Variants in ARHGAP6 observed in about 807,000 individuals in gnomAD.
The protein encoded by ARHGAP6 is rho GTPase-activating protein 6.
ARHGAP6 carries 16 observed loss-of-function variants against 55.7 expected under a neutral mutation model. That is an observed-to-expected ratio of 0.29 (90% CI 0.19 to 0.44). ARHGAP6 has a LOEUF of 0.44. ARHGAP6 is among the 20% of genes least tolerant of loss of function. The pLI is 1.00. For synonymous variants in ARHGAP6, 382 were observed against 360.9 expected, an observed-to-expected ratio of 1.06 and a Z score of -0.66; for missense variants, 698 against 808.9, an observed-to-expected ratio of 0.86 and a Z score of 1.66.
At chrX:11,233,395 C>G (rs1451551476) in intron 2 of ARHGAP6, among the ~76,000 whole-genome samples, 1 of 110,688 alleles carries the variant, frequency 9.0e-6, no homozygotes, top group Non-Finnish European at 1.9e-5. Context: ...GAAGTGTGCC[C>G]TATTCAACAA....
chrX:11,456,620 C>T (rs2050196231), intron 1 of ARHGAP6, among the ~76,000 whole-genome samples: 1 of 111,287 alleles, frequency 9.0e-6, no homozygotes, highest in Admixed American at 9.6e-5. Context: ...ACTGATGCCT[C>T]CTTGGGCCCA....
chrX:11,513,799 C>T lies in ARHGAP6; in HGVS notation c.588+150442G>A, dbSNP rs192841608. Reference sequence around the variant, plus strand: ...ACTTCTGGTCCAAGGCAGGTAAGAGCAAGGACGACTTCTCTATGAACACAC... The same window carrying T: ...ACTTCTGGTCCAAGGCAGGTAAGAGTAAGGACGACTTCTCTATGAACACAC... On this transcript the variant is annotated intron_variant, in intron 1 of 12. Coordinates refer to ENST00000337414, the MANE Select transcript of ARHGAP6 (RefSeq NM_013427.3). 3.6e-5 allele frequency among the ~76,000 whole-genome samples: 4 copies of T among 111,034 alleles called. No individual in the cohort carries two copies. The East Asian group carries it at 1.1e-3, about 32-fold the overall frequency.
intron 1 of ARHGAP6, among the ~76,000 whole-genome samples, chrX:11,396,275 A>G (rs1223212825): frequency 9.1e-6 from 1 of 110,291 alleles, no homozygotes; most frequent in African/African-American, 3.3e-5. Flanking sequence ...ATTCTGGCTC[A>G]GGGCATGATA....
intron 2 of ARHGAP6, among the ~76,000 whole-genome samples, chrX:11,221,949 A>G (rs781031151): frequency 9.0e-6 from 1 of 111,322 alleles, no homozygotes; most frequent in Non-Finnish European, 1.9e-5. Flanking sequence ...ATATGTACTC[A>G]GAATTTTTAA....
intron 1 of ARHGAP6, among the ~76,000 whole-genome samples, chrX:11,597,919 A>AT (rs2051921053): frequency 8.9e-6 from 1 of 112,178 alleles, no homozygotes; most frequent in African/African-American, 3.2e-5. Flanking sequence ...CCATCAAAAC[A>AT]TTTTTGCAGG....
At chrX:11,298,701 A>G (rs752151612) in intron 1 of ARHGAP6, 11 of 1,210,679 alleles carry the variant, frequency 9.1e-6, no homozygotes, top group Non-Finnish European at 1.2e-5. Context: ...CCAGCAACCA[A>G]TGATGCCCGT....
chrX:11,138,447 A>AT lies in ARHGAP6; in HGVS notation c.*415dup, dbSNP rs752942478. ...CTCATTGCTTAATATAAGTGAAGTG[A>AT]TTTTTTTTTTAAAAGTTCCTTTTGT... On this transcript the variant is annotated 3_prime_UTR_variant, in exon 13 of 13. Coordinates refer to ENST00000337414, the MANE Select transcript of ARHGAP6 (RefSeq NM_013427.3). The AT allele has an allele frequency of 0.02, 2,617 of 133,574 alleles. 131 individuals carry two copies. Among genetic ancestry groups the AT allele is most frequent in the Admixed American group, 0.15 (1,699 of 11,077 alleles). The allele number at this position is 133,574 out of a possible 1,213,427, so 11.0% of individuals were successfully genotyped here.
chrX:11,183,784 A>G (rs1463375364), intron 5 of ARHGAP6, among the ~76,000 whole-genome samples: 1 of 111,974 alleles, frequency 8.9e-6, no homozygotes, highest in African/African-American at 3.2e-5. Context: ...AGAGCCAGAC[A>G]TTACTCTGAT....
At chrX:11,470,434 T>C (rs2050336626) in intron 1 of ARHGAP6, among the ~76,000 whole-genome samples, 1 of 112,252 alleles carries the variant, frequency 8.9e-6, no homozygotes, top group Non-Finnish European at 1.9e-5. Context: ...GTAAGTATTA[T>C]TGGAAGGCAC....
intron 1 of ARHGAP6, among the ~76,000 whole-genome samples, chrX:11,471,533 G>A (rs1025978731): frequency 1.8e-5 from 2 of 111,937 alleles, no homozygotes; most frequent in Non-Finnish European, 3.8e-5. Flanking sequence ...GTGCATTAAC[G>A]ATATGTGCAT....
intron 1 of ARHGAP6, among the ~76,000 whole-genome samples, chrX:11,644,791 A>C (rs900035683): frequency 3.6e-5 from 4 of 111,970 alleles, no homozygotes; most frequent in Non-Finnish European, 7.5e-5. Context: ...ATAGTTTCTC[A>C]TAAAGTTAAC....
At chrX:11,409,251 T>G (rs188432896) in intron 1 of ARHGAP6, among the ~76,000 whole-genome samples, 1 of 112,252 alleles carries the variant, frequency 8.9e-6, no homozygotes. Flanking sequence ...TAGTCTTCAC[T>G]TTTAAAGCAT....
At chrX:11,359,263 C>G (rs5935034) in intron 1 of ARHGAP6, among the ~76,000 whole-genome samples, 6,669 of 111,703 alleles carry the variant, frequency 0.06, 214 homozygotes, top group African/African-American at 0.12. Flanking sequence ...ATGAGACAAA[C>G]GGATCAATCT....
chrX:11,528,893 A>G (rs946907108), intron 1 of ARHGAP6, among the ~76,000 whole-genome samples: 8 of 112,042 alleles, frequency 7.1e-5, no homozygotes, highest in Non-Finnish European at 1.5e-4. Flanking sequence ...TTAATGGCTT[A>G]TATTACCAAA....
Position 11,664,234 on chromosome X carries a change from T to C in ARHGAP6, c.588+7A>G. 8.3e-7 allele frequency: 1 copy of C among 1,198,238 alleles called. No individual in the cohort carries two copies. Among genetic ancestry groups the C allele is most frequent in the South Asian group, 1.8e-5 (1 of 54,659 alleles). ...TGGGCCGTGGGACGCGCAGCGCTGG[T>C]CCCTACCTCGGATTTCCACACGACG... On this transcript the variant is annotated splice_region_variant and intron_variant, in intron 1 of 12. Coordinates refer to ENST00000337414, the MANE Select transcript of ARHGAP6 (RefSeq NM_013427.3).
intron 2 of ARHGAP6, among the ~76,000 whole-genome samples, chrX:11,232,469 AC>A (rs1414621583): frequency 1.7e-3 from 186 of 108,058 alleles, no homozygotes; most frequent in African/African-American, 5.9e-3. Flanking sequence ...AAAAATACAC[AC>A]AAAAAAAAAA....
intron 2 of ARHGAP6, among the ~76,000 whole-genome samples, chrX:11,211,502 T>C (rs1187043815): frequency 9.0e-6 from 1 of 110,789 alleles, no homozygotes; most frequent in African/African-American, 3.3e-5. Context: ...AGTGCTGGGA[T>C]TACAGGCGTG....
chrX:11,568,428 A>G (rs763974123), intron 1 of ARHGAP6, among the ~76,000 whole-genome samples: 1 of 112,695 alleles, frequency 8.9e-6, no homozygotes, highest in Admixed American at 9.4e-5. Flanking sequence ...CAGCAATGGT[A>G]AAATTGCTAA....
chrX:11,203,920 C>A (rs781316298), intron 2 of ARHGAP6, among the ~76,000 whole-genome samples: 9 of 111,972 alleles, frequency 8.0e-5, no homozygotes, highest in Admixed American at 6.6e-4. Flanking sequence ...TCCTTCTGTT[C>A]TTCCTGGCTC....
Sources: allele counts gnomAD v4.1 joint callset (sites outside exome capture counted in the v4.1 genomes callset), GRCh38; gene constraint gnomAD v4.1.1; transcripts MANE v1.5; gene names NCBI Gene and HGNC (gene_info 2026-07-23, HGNC 2026-07-21).